Variants in DGKD observed in about 807,000 individuals in gnomAD.
The protein encoded by DGKD is diacylglycerol kinase delta, also known as DAG kinase delta.
Under a neutral mutation model 154.4 loss-of-function variants are expected in DGKD, and 68 were observed. The ratio of observed to expected loss-of-function variants is 0.44; its 90% CI spans 0.36 to 0.54. DGKD has a LOEUF of 0.54. Ranked by LOEUF, DGKD falls within the 20% of genes least tolerant of loss-of-function variation. DGKD has a pLI of 0.00. For missense variants in DGKD, 1,343 were observed against 1,593.6 expected (o/e 0.84, Z 2.68); for synonymous variants, 693 against 638.0 (o/e 1.09, Z -1.30).
Position 233,437,357 on chromosome 2 carries a change from C to T in DGKD, c.820-20C>T, listed in dbSNP as rs758587372. 49 of 1,609,332 alleles carry T rather than the reference C, an allele frequency of 3.0e-5. No individual in the cohort carries two copies. Among genetic ancestry groups the T allele is most frequent in the Non-Finnish European group, 3.7e-5 (44 of 1,175,936 alleles). ...GAAGGATGCCAGTGACCCTTGGTGA[C>T]GCGGGGACTCTTGTTTCAGGTTCAC... On this transcript the variant is annotated intron_variant, in intron 7 of 29. Coordinates refer to ENST00000264057, the MANE Select transcript of DGKD (RefSeq NM_152879.3).
In DGKD at chr2:233,406,800, C is replaced by T. The variant is rs923106290; in HGVS notation, c.348+16317C>T. ...TCCAAAGTGTGACATGGCACTTCTG[C>T]GGACATCCTCCCGGTTGATCTTTAG... is the stretch of plus-strand genomic sequence containing the variant. On this transcript the variant is annotated intron_variant, in intron 3 of 29. Transcript: ENST00000264057. 4.6e-5 allele frequency among the ~76,000 whole-genome samples: 7 copies of T among 152,120 alleles called. No individual in the cohort carries two copies. In the East Asian group the frequency reaches 5.8e-4, roughly 13 times the overall value.
chr2:233,373,635 G>T lies in DGKD; in HGVS notation c.157-14622G>T, dbSNP rs985783966. On this transcript the variant is annotated intron_variant, in intron 1 of 29. Coordinates refer to ENST00000264057, the MANE Select transcript of DGKD (RefSeq NM_152879.3). ...AAAGGGCATGCTTGTGAAAATACAG[G>T]ATTTAAGTTTCATAATATCCTAATA... is the stretch of plus-strand genomic sequence containing the variant. Among the ~76,000 whole-genome samples, 48 of 152,202 alleles carry T rather than the reference G, an allele frequency of 3.2e-4. 1 individual carries two copies. The highest frequency in any genetic ancestry group is 1.6e-4 in the Non-Finnish European group (11 of 68,032).
At chr2:233,429,423 C>G (rs1260294385) in intron 3 of DGKD, 1 of 721,446 alleles carries the variant, frequency 1.4e-6, no homozygotes, top group African/African-American at 1.9e-5. Context: ...AGGGACGGTG[C>G]CGATGACATG....
At position 233,448,315 on chromosome 2, in the gene DGKD, G is replaced by A. The variant is rs756874629; in HGVS notation, c.1554G>A (p.Val518=). The A allele has an allele frequency of 3.7e-6, 6 of 1,614,154 alleles. No individual in the cohort carries two copies. Among genetic ancestry groups the A allele is most frequent in the East Asian group, 2.2e-5 (1 of 44,882 alleles). Residue 518 remains valine (V), a synonymous_variant, in exon 14 of 30, where the codon GTG becomes GTA. Transcript: ENST00000264057. ...CGGTGAAGGACTTCGTGGCACGGGTGGGGAAGGCCTATGAGAAGACGACCG... is the reference window on the plus strand; with the variant it reads ...CGGTGAAGGACTTCGTGGCACGGGTAGGGAAGGCCTATGAGAAGACGACCG... ...CETVKDFVAR[V]GKAYEKTTES...
chr2:233,455,364 G>T (rs144548018), intron 19 of DGKD, among the ~76,000 whole-genome samples: 3 of 152,134 alleles, frequency 2.0e-5, no homozygotes, highest in Non-Finnish European at 2.9e-5. Flanking sequence ...GGGGGTTTCA[G>T]TTTTTTTCCT....
intron 1 of DGKD, among the ~76,000 whole-genome samples, chr2:233,378,429 T>C (rs572961304): frequency 6.9e-6 from 1 of 145,176 alleles, no homozygotes; most frequent in African/African-American, 2.6e-5. Flanking sequence ...AAAAAAAAAC[T>C]TGTAGAGATG....
chr2:233,422,325 C>T (rs2062145124), intron 3 of DGKD, among the ~76,000 whole-genome samples: 2 of 152,240 alleles, frequency 1.3e-5, no homozygotes, highest in Admixed American at 1.3e-4. Flanking sequence ...ATGAAACCTT[C>T]CATTTCCAGG....
At chr2:233,379,285 G>A (rs1419563743) in intron 1 of DGKD, among the ~76,000 whole-genome samples, 1 of 152,170 alleles carries the variant, frequency 6.6e-6, no homozygotes, top group Non-Finnish European at 1.5e-5. Flanking sequence ...CAAGAGAAGA[G>A]GAGCTGAGGA....
chr2:233,375,931 G>A (rs1224484853), intron 1 of DGKD, among the ~76,000 whole-genome samples: 1 of 152,088 alleles, frequency 6.6e-6, no homozygotes, highest in Non-Finnish European at 1.5e-5. Flanking sequence ...AAAGGTCAAG[G>A]GTCGAGTCCC....
At position 233,460,239 on chromosome 2, in the gene DGKD, G is replaced by A. The variant is rs1192448408; in HGVS notation, c.2875G>A (p.Glu959Lys). The stretch of plus-strand genomic sequence containing the variant: ...GTCCTGGGAAGACAAGCAGAAGTGC[G>A]AGCTGCCCCGCCCTCCATCCTGTTC... ...LKSWEDKQKC[E>K]LPRPPSCSLH... The change falls in exon 24 of 30, where the codon GAG becomes AAG. Residue 959 changes from glutamate to lysine, a missense_variant. Glu to Lys is a moderately conservative substitution (Grantham distance 56, BLOSUM62 1). Coordinates refer to ENST00000264057, the MANE Select transcript of DGKD (RefSeq NM_152879.3). 1.2e-6 allele frequency: 2 copies of A among 1,613,922 alleles called. No homozygotes were observed. Among genetic ancestry groups the A allele is most frequent in the Non-Finnish European group, 1.7e-6 (2 of 1,179,976 alleles).
intron 3 of DGKD, among the ~76,000 whole-genome samples, chr2:233,418,779 T>G (rs1401067114): frequency 6.6e-6 from 1 of 152,092 alleles, no homozygotes; most frequent in African/African-American, 2.4e-5. Context: ...GGAGAGGAAG[T>G]GCATGACAGC....
intron 1 of DGKD, among the ~76,000 whole-genome samples, chr2:233,383,574 C>G (rs376249252): frequency 1.3e-5 from 2 of 152,324 alleles, no homozygotes; most frequent in South Asian, 4.1e-4. Context: ...TGGAAATTCT[C>G]TGTCGTCTGC....
intron 3 of DGKD, among the ~76,000 whole-genome samples, chr2:233,401,031 C>G (rs776902649): frequency 9.9e-5 from 15 of 152,048 alleles, no homozygotes; most frequent in Non-Finnish European, 1.9e-4. Flanking sequence ...GACTGGGCTC[C>G]TTCTCTTCTT....
chr2:233,366,636 A>C (rs1377225267), intron 1 of DGKD, among the ~76,000 whole-genome samples: 3 of 152,182 alleles, frequency 2.0e-5, no homozygotes, highest in Non-Finnish European at 4.4e-5. Context: ...GTGGCTTGCT[A>C]GTGTGCCATG....
chr2:233,380,186 CT>C (rs1292670361), intron 1 of DGKD, among the ~76,000 whole-genome samples: 1 of 152,158 alleles, frequency 6.6e-6, no homozygotes, highest in Non-Finnish European at 1.5e-5. Flanking sequence ...CCTGCTACTT[CT>C]TTTAGATTTG....
chr2:233,360,984 GT>G (rs10580286), intron 1 of DGKD, among the ~76,000 whole-genome samples: 42,269 of 126,990 alleles, frequency 0.33, 7,026 homozygotes, highest in African/African-American at 0.52. Flanking sequence ...AGACAGTCAA[GT>G]TTTTTTTTTT....
chr2:233,418,213 G>A lies in DGKD; in HGVS notation c.349-16167G>A, dbSNP rs1314482640. Among the ~76,000 whole-genome samples the A allele has an allele frequency of 2.6e-5, 4 of 152,314 alleles. No homozygotes were observed. In the East Asian group the frequency reaches 5.8e-4, roughly 22 times the overall value. ...CAGCCCCCTGTCTGGAGACTGAGGT[G>A]CTGCCAGCGTTTTGCTATTGAAACC... On this transcript the variant is annotated intron_variant, in intron 3 of 29. Coordinates refer to ENST00000264057, the MANE Select transcript of DGKD (RefSeq NM_152879.3).
chr2:233,437,879 C>T (rs2125599380), intron 8 of DGKD, among the ~76,000 whole-genome samples: 1 of 152,372 alleles, frequency 6.6e-6, no homozygotes, highest in African/African-American at 2.4e-5. Context: ...TGGCTTGCAG[C>T]TGCTCTCATG....
chr2:233,409,648 A>T (rs1261540310), intron 3 of DGKD, among the ~76,000 whole-genome samples: 1 of 152,104 alleles, frequency 6.6e-6, no homozygotes, highest in African/African-American at 2.4e-5. Context: ...CCTTGAAACA[A>T]CTTGTTATCA....
Sources: allele counts gnomAD v4.1 joint callset (sites outside exome capture counted in the v4.1 genomes callset), GRCh38; gene constraint gnomAD v4.1.1; transcripts MANE v1.5; gene names NCBI Gene and HGNC (gene_info 2026-07-23, HGNC 2026-07-21).